The following TAB2 variants were observed in gnomAD, a reference collection of about 807,000 sequenced individuals.
TAB2 encodes the protein TGF-beta-activated kinase 1 and MAP3K7-binding protein 2.
Under a neutral mutation model 65.0 loss-of-function variants are expected in TAB2, and 3 were observed. The observed-to-expected ratio is 0.05, with a 90% CI of 0.02 to 0.12. The LOEUF (loss-of-function observed/expected upper bound fraction) is 0.12, where lower values mean the gene tolerates loss of function less well. TAB2 is among the 10% of genes least tolerant of loss of function. The pLI is 1.00. For synonymous variants in TAB2, 298 were observed against 285.1 expected, an observed-to-expected ratio of 1.05 and a Z score of -0.46; for missense variants, 623 against 840.3, an observed-to-expected ratio of 0.74 and a Z score of 3.20.
At chr6:149,396,003 CTT>C (rs1430564903) in intron 3 of TAB2, among the ~76,000 whole-genome samples, 1 of 151,958 alleles carries the variant, frequency 6.6e-6, no homozygotes, top group Non-Finnish European at 1.5e-5. Flanking sequence ...TTCTGGAATT[CTT>C]TTCTCTCTCT....
At chr6:149,228,636 C>G (rs1377360493) in intron 1 of TAB2, among the ~76,000 whole-genome samples, 1 of 152,236 alleles carries the variant, frequency 6.6e-6, no homozygotes, top group Non-Finnish European at 1.5e-5. Flanking sequence ...GCTTAGCCCC[C>G]TAACGATTCA....
rs1034246020 is a variant in TAB2, at chr6:149,378,263, G to A, written c.348G>A (p.Gln116=). The change falls in exon 3 of 7, where the codon CAG becomes CAA. Residue 116 remains glutamine (Q), a synonymous_variant. Coordinates refer to ENST00000637181, the MANE Select transcript of TAB2 (RefSeq NM_001292034.3). The part of the protein sequence containing the change: ...SISDGQLQGG[Q]SNSELFQQEP... The stretch of plus-strand genomic sequence containing the variant: ...GTGATGGACAACTTCAAGGTGGCCA[G>A]TCCAATAGTGAACTATTTCAGCAGG... 15 of 1,614,180 alleles carry A rather than the reference G, an allele frequency of 9.3e-6. No individual in the cohort carries two copies. The highest frequency in any genetic ancestry group is 1.3e-5 in the Non-Finnish European group (15 of 1,180,018).
intron 6 of TAB2, among the ~76,000 whole-genome samples, chr6:149,403,315 CACACACAT>C (rs1562456534): frequency 5.3e-5 from 4 of 74,862 alleles, no homozygotes; most frequent in African/African-American, 1.6e-4. Flanking sequence ...TATATATATA[CACACACAT>C]ATATATACAT....
At chr6:149,277,455 A>G (rs887713908) in intron 1 of TAB2, among the ~76,000 whole-genome samples, 1 of 152,200 alleles carries the variant, frequency 6.6e-6, no homozygotes, top group South Asian at 2.1e-4. Flanking sequence ...CATATCATTA[A>G]TATAAAAGGG....
At chr6:149,381,566 A>ATT (rs1422920426) in intron 3 of TAB2, among the ~76,000 whole-genome samples, 1 of 102,922 alleles carries the variant, frequency 9.7e-6, no homozygotes, top group Non-Finnish European at 2.0e-5. Context: ...TTCCCCTCCT[A>ATT]TTCTTTTTTT....
At chr6:149,222,997 C>G (rs182756394) in intron 1 of TAB2, among the ~76,000 whole-genome samples, 57 of 152,264 alleles carry the variant, frequency 3.7e-4, no homozygotes, top group Non-Finnish European at 2.5e-4. Flanking sequence ...ATAACTGCCC[C>G]CTTCTATTCA....
intron 1 of TAB2, among the ~76,000 whole-genome samples, chr6:149,287,820 T>C (rs1052877263): frequency 1.3e-5 from 2 of 152,216 alleles, no homozygotes; most frequent in Non-Finnish European, 2.9e-5. Flanking sequence ...GATTCATAAA[T>C]AAAAGCCCTA....
chr6:149,219,411 AT>A (rs920682073), intron 1 of TAB2, among the ~76,000 whole-genome samples: 30 of 151,988 alleles, frequency 2.0e-4, no homozygotes, highest in African/African-American at 6.0e-4. Context: ...TTATTACCCC[AT>A]TTTACAGATA....
At chr6:149,352,104 G>C (rs1780512111) in intron 1 of TAB2, among the ~76,000 whole-genome samples, 1 of 152,126 alleles carries the variant, frequency 6.6e-6, no homozygotes, top group Non-Finnish European at 1.5e-5. Flanking sequence ...TGTAAATTGA[G>C]TAGTTTATGT....
chr6:149,404,019 C>G (rs1442383859), intron 6 of TAB2, among the ~76,000 whole-genome samples: 1 of 152,064 alleles, frequency 6.6e-6, no homozygotes, highest in African/African-American at 2.4e-5. Flanking sequence ...GTATCCAAAT[C>G]AGAAAGGAGG....
intron 1 of TAB2, among the ~76,000 whole-genome samples, chr6:149,263,230 T>C (rs898368848): frequency 1.3e-5 from 2 of 152,224 alleles, no homozygotes; most frequent in Non-Finnish European, 2.9e-5. Context: ...TTGATAATCA[T>C]GTTTAATTTT....
At chr6:149,382,720 GTAGCTTCACT>G (rs1212240290) in intron 3 of TAB2, among the ~76,000 whole-genome samples, 11 of 152,116 alleles carry the variant, frequency 7.2e-5, no homozygotes, top group Non-Finnish European at 1.6e-4. Context: ...AGTGTATCTT[GTAGCTTCACT>G]TATAGCCCAT....
Position 149,378,695 on chromosome 6 carries a change from T to G in TAB2, c.780T>G (p.Pro260=). The change falls in exon 3 of 7, where the codon CCT becomes CCG. Residue 260 remains proline (P), a synonymous_variant. Coordinates refer to ENST00000637181, the MANE Select transcript of TAB2 (RefSeq NM_001292034.3). ...PSQPGPWTTC[P]ASNPLSHTSS... Reference sequence around the variant, plus strand: ...AGCCTGGTCCCTGGACTACTTGTCCTGCATCTAATCCTCTGTCACATACCT... The same window carrying G: ...AGCCTGGTCCCTGGACTACTTGTCCGGCATCTAATCCTCTGTCACATACCT... 6.2e-7 allele frequency: 1 copy of G among 1,613,980 alleles called. No individual in the cohort carries two copies. Among genetic ancestry groups the G allele is most frequent in the Non-Finnish European group, 8.5e-7 (1 of 1,180,002 alleles).
chr6:149,278,552 G>A (rs1016752499), intron 1 of TAB2, among the ~76,000 whole-genome samples: 2 of 152,168 alleles, frequency 1.3e-5, no homozygotes, highest in African/African-American at 4.8e-5. Context: ...GATGAAGAAG[G>A]TATCATTTGA....
In TAB2 at chr6:149,379,475, A is replaced by G. The variant is rs779854384; in HGVS notation, c.1560A>G (p.Thr520=). 11 of 1,614,030 alleles carry G rather than the reference A, an allele frequency of 6.8e-6. No homozygotes were observed. Among genetic ancestry groups the G allele is most frequent in the African/African-American group, 1.3e-5 (1 of 74,900 alleles). The part of the protein sequence containing the change: ...TLAHVDRISE[T]RKLSMGSDDA... ...CACATGTGGATAGAATAAGTGAAAC[A>G]CGGAAACTGAGTATGGGATCTGATG... is the stretch of plus-strand genomic sequence containing the variant. The change falls in exon 3 of 7, where the codon ACA becomes ACG. Residue 520 remains threonine (T), a synonymous_variant. Transcript: ENST00000637181.
At chr6:149,391,247 A>C (rs1246565299) in intron 3 of TAB2, among the ~76,000 whole-genome samples, 3 of 152,032 alleles carry the variant, frequency 2.0e-5, no homozygotes, top group Admixed American at 1.3e-4. Flanking sequence ...TATGTAATCT[A>C]CTTTTTTTTC....
chr6:149,300,911 G>T (rs775762413), intron 1 of TAB2, among the ~76,000 whole-genome samples: 1 of 152,208 alleles, frequency 6.6e-6, no homozygotes, highest in African/African-American at 2.4e-5. Flanking sequence ...CTACTCAAGC[G>T]TATTGGATTC....
intron 1 of TAB2, among the ~76,000 whole-genome samples, chr6:149,309,024 A>G (rs549333293): frequency 6.6e-6 from 1 of 152,292 alleles, no homozygotes; most frequent in East Asian, 1.9e-4. Flanking sequence ...GATAATAAAA[A>G]AAAATATATG....
At chr6:149,400,873 G>T in intron 6 of TAB2, 3 of 616,826 alleles carry the variant, frequency 4.9e-6, no homozygotes, top group South Asian at 2.7e-5. Context: ...CAAGCATATT[G>T]CTTTTTTCTT....
Sources: allele counts gnomAD v4.1 joint callset (sites outside exome capture counted in the v4.1 genomes callset), GRCh38; gene constraint gnomAD v4.1.1; transcripts MANE v1.5; gene names NCBI Gene and HGNC (gene_info 2026-07-23, HGNC 2026-07-21).